The following TLE2 variants were observed in gnomAD, a reference collection of about 807,000 sequenced individuals.
The protein encoded by TLE2 is TLE family member 2, transcriptional corepressor, also known as transducin-like enhancer protein 2.
A neutral mutation model predicts 97.2 loss-of-function variants in TLE2; 74 were observed. That is an observed-to-expected ratio of 0.76 (90% confidence interval 0.63 to 0.92). The LOEUF (loss-of-function observed/expected upper bound fraction) is 0.92, where lower values mean the gene tolerates loss of function less well. Among genes scored for constraint, TLE2 ranks in the 40% least tolerant of loss-of-function variants. The pLI, the probability that TLE2 is intolerant of heterozygous loss-of-function variation, is 0.00. For missense variants in TLE2, 1,038 were observed against 1,008.7 expected (o/e 1.03, Z -0.39); for synonymous variants, 499 against 432.1 (o/e 1.15, Z -1.92).
chr19:3,009,241 T>C (rs2089540038), intron 13 of TLE2, among the ~76,000 whole-genome samples: 1 of 152,248 alleles, frequency 6.6e-6, no homozygotes, highest in South Asian at 2.1e-4. Context: ...CTCCAGCCCC[T>C]CCCAGGACAA....
intron 1 of TLE2, among the ~76,000 whole-genome samples, chr19:3,041,013 A>ATATATATCTTTTT (rs1555695656): frequency 3.5e-5 from 1 of 28,968 alleles, no homozygotes; most frequent in Non-Finnish European, 5.7e-5. Flanking sequence ...ATATATATAT[A>ATATATATCTTTTT]TTTTTTTTTT....
chr19:3,014,469 G>T, intron 10 of TLE2, 101 bp downstream of exon 10: 1 of 1,176,490 alleles, frequency 8.5e-7, no homozygotes. Flanking sequence ...CCACAGAGCG[G>T]GGAACCAGGA....
intron 1 of TLE2, among the ~76,000 whole-genome samples, chr19:3,035,671 C>G (rs1284320080): frequency 6.6e-6 from 1 of 152,176 alleles, no homozygotes; most frequent in Non-Finnish European, 1.5e-5. Context: ...GCCAGCCAAT[C>G]CGCTCGCGAC....
At chr19:3,036,785 C>T (rs1379513010) in intron 1 of TLE2, among the ~76,000 whole-genome samples, 1 of 152,134 alleles carries the variant, frequency 6.6e-6, no homozygotes, top group East Asian at 1.9e-4. Context: ...TGGGAGCAGC[C>T]AGGGCTGACC....
intron 9 of TLE2, 51 bp from the exon 10 acceptor site, chr19:3,014,665 C>A (rs887715735): frequency 2.0e-6 from 3 of 1,509,270 alleles, no homozygotes; most frequent in East Asian, 5.0e-5. Flanking sequence ...CCTGCCTCCA[C>A]ACCCCCTATC....
chr19:3,020,149 T>A (rs989099344), intron 5 of TLE2: 2 of 211,456 alleles, frequency 9.5e-6, no homozygotes, highest in Non-Finnish European at 1.9e-5. Context: ...GGCAGGAGAA[T>A]CGCTTGAACC....
At chr19:3,029,568 G>GGGA, upstream of TLE2, 6 of 741,926 alleles carry the variant, frequency 8.1e-6, no homozygotes, top group Non-Finnish European at 9.9e-6. Context: ...CGGGGGGGGG[G>GGGA]GCTTGCGGGG....
chr19:3,021,115 G>GC (rs1491467941), intron 5 of TLE2, among the ~76,000 whole-genome samples: 1 of 30,778 alleles, frequency 3.2e-5, no homozygotes, highest in South Asian at 9.5e-4. Flanking sequence ...AAAAAAAAAA[G>GC]GGGGGGGGGT....
upstream of TLE2, among the ~76,000 whole-genome samples, chr19:3,033,409 CG>C (rs1415369992): frequency 8.5e-5 from 13 of 152,194 alleles, no homozygotes; most frequent in East Asian, 2.5e-3. Flanking sequence ...CCTCGTGATC[CG>C]CCCGCCTCAG....
At position 3,039,063 on chromosome 19, in the gene TLE2, A is replaced by G. The variant is rs1192342582; in HGVS notation, c.63+6663T>C. 2.5e-5 allele frequency among the ~76,000 whole-genome samples: 3 copies of G among 122,142 alleles called. No individual in the cohort carries two copies. In the South Asian group the frequency reaches 8.0e-4, roughly 33 times the overall value. 80.1% of individuals were successfully genotyped at this position (122,142 alleles called of 152,430 possible). A position where few individuals can be genotyped will look rare whatever the true frequency, so the allele number is the denominator to read the frequency against. Reference sequence around the variant, plus strand: ...CGACTCAAAAAAAAAATAAAAATTAAAAAAAAAAAATTAGCTGGGTGTGGT... The same window carrying G: ...CGACTCAAAAAAAAAATAAAAATTAGAAAAAAAAAATTAGCTGGGTGTGGT... On this transcript the variant is annotated intron_variant, in intron 1 of 18. Transcript: ENST00000426948.
At chr19:3,036,469 C>T (rs912168447) in intron 1 of TLE2, among the ~76,000 whole-genome samples, 3 of 152,188 alleles carry the variant, frequency 2.0e-5, no homozygotes, top group Non-Finnish European at 4.4e-5. Flanking sequence ...GGAGGCCAAG[C>T]CTTTGGCTTC....
At chr19:3,035,661 G>A (rs935349025) in intron 1 of TLE2, among the ~76,000 whole-genome samples, 5 of 150,898 alleles carry the variant, frequency 3.3e-5, no homozygotes, top group African/African-American at 1.2e-4. Flanking sequence ...GGCTGGGGGC[G>A]CCAGCCAATC....
intron 14 of TLE2, 29 bp from the exon 15 acceptor site, chr19:3,006,698 C>A: frequency 1.3e-6 from 2 of 1,558,892 alleles, no homozygotes; most frequent in Non-Finnish European, 1.7e-6. Flanking sequence ...CATGACCCAG[C>A]CCTGGGCACC....
rs1286320400 is a variant in TLE2, at chr19:3,005,477, C to G, written c.1856G>C (p.Arg619Pro). 3 of 1,613,660 alleles carry G rather than the reference C, an allele frequency of 1.9e-6. No individual in the cohort carries two copies. The highest frequency in any genetic ancestry group is 2.5e-6 in the Non-Finnish European group (3 of 1,179,812). The stretch of plus-strand genomic sequence containing the variant: ...ATGCTGCTGCAGCTGGCGGCCCTCC[C>G]GCAGGTCCCAGCAGCGCACCGTGTT... ...LDNTVRCWDL[R>P]EGRQLQQHDF... Residue 619 changes from arginine to proline, a missense_variant, in exon 17 of 20, where the codon CGG becomes CCG. Physicochemically the swap from Arg to Pro is moderately radical, Grantham distance 103 (BLOSUM62 -2). Transcript: ENST00000262953.
chr19:3,020,547 C>T (rs950001542), intron 5 of TLE2: 3 of 152,162 alleles, frequency 2.0e-5, no homozygotes, highest in African/African-American at 7.2e-5. Flanking sequence ...TCCCTGCCAT[C>T]AGAACACCCT....
At chr19:3,000,759 G>T (rs556895399) in intron 18 of TLE2, 36 bp from the exon 19 acceptor site, 36 of 1,533,536 alleles carry the variant, frequency 2.3e-5, no homozygotes, top group Non-Finnish European at 3.2e-5. Flanking sequence ...CAAGGAGGGG[G>T]CACTAACGAG....
upstream of TLE2, among the ~76,000 whole-genome samples, chr19:3,046,089 A>AG (rs34543305): frequency 4.5e-4 from 68 of 152,206 alleles, no homozygotes; most frequent in Non-Finnish European, 1.6e-4. Flanking sequence ...GGTTGCCCCT[A>AG]GGGGGGCAAA....
intron 9 of TLE2, 93 bp from the exon 10 acceptor site, chr19:3,014,707 C>A (rs970753691): frequency 3.2e-6 from 4 of 1,243,528 alleles, no homozygotes; most frequent in African/African-American, 1.6e-5. Context: ...ATGAGCCCAG[C>A]CAGCCCTGGG....
rs149325434 is a variant in TLE2 at position 3,004,798 on chromosome 19, T to G, written c.1896+639A>C. Among the ~76,000 whole-genome samples, 12 of 151,778 alleles carry G rather than the reference T, an allele frequency of 7.9e-5. No individual in the cohort carries two copies. The East Asian group carries it at 2.3e-3, about 29-fold the overall frequency. The stretch of plus-strand genomic sequence containing the variant: ...CAGAGGCCTCAGAGCTGTCCCGGAG[T>G]ATGGTGTGCATGAGACCAGCCCATG... On this transcript the variant is annotated intron_variant, in intron 17 of 19. Coordinates refer to ENST00000262953, the MANE Select transcript of TLE2 (RefSeq NM_003260.5).
Sources: gnomAD v4.1 joint callset for allele counts (sites outside exome capture counted in the v4.1 genomes callset) on GRCh38, gnomAD v4.1.1 for gene constraint, MANE v1.5 for transcripts, NCBI Gene and HGNC (gene_info 2026-07-23, HGNC 2026-07-21) for gene names.